The following COL22A1 variants were observed in gnomAD, a reference collection of about 807,000 sequenced individuals.
COL22A1 encodes collagen type XXII alpha 1 chain, also known as collagen alpha-1(XXII) chain.
COL22A1 carries 221 observed loss-of-function variants against 248.9 expected under a neutral mutation model. The ratio of observed to expected loss-of-function variants is 0.89; its 90% CI spans 0.80 to 0.99. COL22A1 has a LOEUF of 0.99. Ranked by LOEUF, COL22A1 falls within the 50% of genes least tolerant of loss-of-function variation. The pLI is 0.00. For synonymous variants in COL22A1, 891 were observed against 793.4 expected (o/e 1.12, Z -2.07); for missense variants, 2,240 against 2,179.0 (o/e 1.03, Z -0.56).
At chr8:138,617,631 A>G (rs1287776232) in intron 53 of COL22A1, among the ~76,000 whole-genome samples, 4 of 152,198 alleles carry the variant, frequency 2.6e-5, no homozygotes, top group Non-Finnish European at 5.9e-5. Flanking sequence ...ATGTAAAGCT[A>G]AAGCTCAAGG....
chr8:138,624,806 C>T (rs145840772), intron 51 of COL22A1, among the ~76,000 whole-genome samples: 264 of 152,264 alleles, frequency 1.7e-3, no homozygotes, highest in African/African-American at 6.1e-3. Context: ...CAGGAAATGC[C>T]TTCTTGATCA....
chr8:138,749,281 G>C (rs1685902140), intron 22 of COL22A1, among the ~76,000 whole-genome samples: 1 of 152,172 alleles, frequency 6.6e-6, no homozygotes, highest in Non-Finnish European at 1.5e-5. Context: ...CAGAAGGTAT[G>C]AGCCTGGTGA....
chr8:138,722,121 G>T lies in COL22A1; in HGVS notation c.2248-32C>A, dbSNP rs187887530. The T allele has an allele frequency of 8.7e-4, 1,336 of 1,541,972 alleles. 10 individuals carry two copies. The African/African-American group carries it at 0.016, about 19-fold the overall frequency. On this transcript the variant is annotated intron_variant, in intron 25 of 64. Transcript: ENST00000303045. Reference sequence around the variant, plus strand: ...CAAGAGGGGAAAACATAAATAAAAAGGAAAGGCATATTTAGGAAAGGCTTA... The same window carrying T: ...CAAGAGGGGAAAACATAAATAAAAATGAAAGGCATATTTAGGAAAGGCTTA...
intron 44 of COL22A1, among the ~76,000 whole-genome samples, chr8:138,657,663 C>T (rs1033590405): frequency 6.6e-6 from 1 of 152,182 alleles, no homozygotes; most frequent in Non-Finnish European, 1.5e-5. Flanking sequence ...GGCAGACTGC[C>T]GTCTCTGCCT....
chr8:138,672,237 C>G (rs1825096715), intron 41 of COL22A1, among the ~76,000 whole-genome samples: 1 of 152,146 alleles, frequency 6.6e-6, no homozygotes, highest in Non-Finnish European at 1.5e-5. Context: ...AAAGTGGAAT[C>G]CACCTGCTAG....
intron 30 of COL22A1, among the ~76,000 whole-genome samples, chr8:138,707,003 A>G (rs4263812): frequency 0.52 from 79,779 of 152,048 alleles, 20,984 homozygotes; most frequent in East Asian, 0.76. Flanking sequence ...AGAATACTAT[A>G]AACACTTCTA....
At chr8:138,786,653 C>T (rs572206610) in intron 12 of COL22A1, among the ~76,000 whole-genome samples, 61 of 152,290 alleles carry the variant, frequency 4.0e-4, no homozygotes, top group African/African-American at 1.4e-3. Flanking sequence ...CGCTTGTAAT[C>T]CCAGCACTTT....
intron 60 of COL22A1, among the ~76,000 whole-genome samples, chr8:138,600,493 AC>A (rs1328385491): frequency 1.3e-5 from 2 of 152,198 alleles, no homozygotes; most frequent in Admixed American, 6.5e-5. Flanking sequence ...GGGGTTAAAT[AC>A]AAGGTAAATG....
chr8:138,875,494 C>T (rs1823646962), intron 3 of COL22A1, among the ~76,000 whole-genome samples: 1 of 152,236 alleles, frequency 6.6e-6, no homozygotes, highest in South Asian at 2.1e-4. Context: ...TCCCAGCACT[C>T]TGCATCAAGG....
intron 44 of COL22A1, among the ~76,000 whole-genome samples, chr8:138,656,497 C>A (rs1435991024): frequency 1.3e-5 from 2 of 152,122 alleles, no homozygotes; most frequent in African/African-American, 4.8e-5. Context: ...AATTACAGAG[C>A]CTCTACAGGT....
intron 24 of COL22A1, 139 bp downstream of exon 24, chr8:138,725,248 C>T (rs901482723): frequency 3.0e-5 from 27 of 886,018 alleles, no homozygotes; most frequent in Non-Finnish European, 4.4e-5. Context: ...TTCTACGTGT[C>T]GGGGTCCTCC....
At chr8:138,705,217 T>C (rs1433425583) in intron 30 of COL22A1, among the ~76,000 whole-genome samples, 2 of 152,172 alleles carry the variant, frequency 1.3e-5, no homozygotes, top group African/African-American at 2.4e-5. Context: ...TTCAGGATAT[T>C]ATCCAGGAGA....
At position 138,821,366 on chromosome 8, in the gene COL22A1, C is replaced by T. The variant is rs773318910; in HGVS notation, c.1015G>A (p.Ala339Thr). 2.5e-6 allele frequency: 4 copies of T among 1,613,966 alleles called. No homozygotes were observed. The highest frequency in any genetic ancestry group is 1.3e-5 in the African/African-American group (1 of 74,900). Residue 339 changes from alanine (A) to threonine (T), a missense_variant, in exon 7 of 65, where the codon GCT (alanine) becomes ACT (threonine). Transcript: ENST00000303045. Reference protein sequence around the residue: ...DGENKAVEYNAVGAMKDAVRV... With the variant: ...DGENKAVEYNTVGAMKDAVRV... ...ACAGCATCTTTCATGGCACCCACAGCGTTGTACTCGACTGCCTTGTTTTCA... is the reference window on the plus strand; with the variant it reads ...ACAGCATCTTTCATGGCACCCACAGTGTTGTACTCGACTGCCTTGTTTTCA...
intron 41 of COL22A1, among the ~76,000 whole-genome samples, chr8:138,665,080 T>C (rs944706601): frequency 4.6e-5 from 7 of 152,126 alleles, no homozygotes; most frequent in African/African-American, 1.7e-4. Flanking sequence ...AGCCTACTCA[T>C]TAAATATGCC....
chr8:138,825,531 A>C (rs1482091057), intron 6 of COL22A1, among the ~76,000 whole-genome samples: 1 of 152,220 alleles, frequency 6.6e-6, no homozygotes, highest in African/African-American at 2.4e-5. Flanking sequence ...GTTATTATGA[A>C]GACTAAATGA....
chr8:138,703,208 G>A (rs1564218214), intron 31 of COL22A1, 98 bp downstream of exon 31: 10 of 1,091,514 alleles, frequency 9.2e-6, no homozygotes, highest in Non-Finnish European at 1.3e-5. Flanking sequence ...TCCAATAGGG[G>A]AGATATTTAA....
chr8:138,757,473 C>CA (rs11405007), intron 18 of COL22A1, among the ~76,000 whole-genome samples: 108,434 of 151,980 alleles, frequency 0.71, 39,259 homozygotes, highest in East Asian at 0.92. Context: ...TATTACACCA[C>CA]AAAAGTGAGT....
chr8:138,779,634 T>G, intron 13 of COL22A1, 72 bp from the exon 14 acceptor site: 7 of 1,020,554 alleles, frequency 6.9e-6, no homozygotes, highest in Non-Finnish European at 1.1e-5. Flanking sequence ...AAGCCCACAG[T>G]CTCCCAGGGC....
At chr8:138,740,480 C>A (rs1393483726) in intron 22 of COL22A1, among the ~76,000 whole-genome samples, 2 of 152,118 alleles carry the variant, frequency 1.3e-5, no homozygotes, top group African/African-American at 4.8e-5. Flanking sequence ...GCTTCCTGAG[C>A]TGACCCCAGG....
Sources: gnomAD v4.1 joint callset for allele counts (sites outside exome capture counted in the v4.1 genomes callset) on GRCh38, gnomAD v4.1.1 for gene constraint, MANE v1.5 for transcripts, NCBI Gene and HGNC (gene_info 2026-07-23, HGNC 2026-07-21) for gene names.